VWC2L: variants seen among roughly 807,000 people sequenced by gnomAD.
VWC2L encodes the protein von Willebrand factor C domain containing 2 like, also known as von Willebrand factor C domain-containing protein 2-like.
In VWC2L, 10 loss-of-function variants were observed where a neutral mutation model predicts 21.6. The ratio of observed to expected loss-of-function variants is 0.46; its 90% CI spans 0.29 to 0.78. VWC2L has a LOEUF of 0.78. Ranked by LOEUF, VWC2L falls within the 30% of genes least tolerant of loss-of-function variation. The pLI is 0.10. For missense variants in VWC2L, 209 were observed against 277.1 expected (o/e 0.75, Z 1.74); for synonymous variants, 96 against 94.3 (o/e 1.02, Z -0.10).
At chr2:214,438,469 GTTAGCTTTGTCTTACTT>G (rs961273066) in intron 3 of VWC2L, among the ~76,000 whole-genome samples, 2 of 151,750 alleles carry the variant, frequency 1.3e-5, no homozygotes, top group Admixed American at 1.3e-4. Context: ...CATGGCTCTG[GTTAGCTTTGTCTTACTT>G]TTAGCTTTGT....
chr2:214,420,208 T>C (rs1260673837), intron 2 of VWC2L, among the ~76,000 whole-genome samples: 2 of 152,224 alleles, frequency 1.3e-5, no homozygotes, highest in Admixed American at 6.5e-5. Flanking sequence ...TTCTCATTAA[T>C]AGGTGCCACA....
chr2:214,474,784 A>T (rs1189364629), intron 3 of VWC2L, among the ~76,000 whole-genome samples: 1 of 152,178 alleles, frequency 6.6e-6, no homozygotes, highest in African/African-American at 2.4e-5. Context: ...ATGAGATAGC[A>T]TATGTAAAAT....
chr2:214,475,737 T>C (rs1015684438), intron 3 of VWC2L, among the ~76,000 whole-genome samples: 7 of 143,696 alleles, frequency 4.9e-5, no homozygotes, highest in Non-Finnish European at 1.0e-4. Flanking sequence ...TATTTTTAAA[T>C]GTTGGCTCAA....
At chr2:214,430,646 T>A (rs1195711639) in intron 2 of VWC2L, among the ~76,000 whole-genome samples, 1 of 152,172 alleles carries the variant, frequency 6.6e-6, no homozygotes, top group East Asian at 1.9e-4. Context: ...TTCACTAAAA[T>A]GCTTATGTTT....
intron 3 of VWC2L, among the ~76,000 whole-genome samples, chr2:214,567,595 C>CACACACACACAG (rs1553602423): frequency 3.0e-5 from 4 of 135,310 alleles, no homozygotes; most frequent in African/African-American, 1.2e-4. Flanking sequence ...CACACACACA[C>CACACACACACAG]AGAGAGAGAG....
chr2:214,521,646 T>C (rs1001150029), intron 3 of VWC2L, among the ~76,000 whole-genome samples: 2 of 152,232 alleles, frequency 1.3e-5, no homozygotes, highest in Non-Finnish European at 2.9e-5. Context: ...GGGAGGTAAA[T>C]GTGAGGTTCT....
chr2:214,491,184 G>A (rs1254544623), intron 3 of VWC2L, among the ~76,000 whole-genome samples: 1 of 152,278 alleles, frequency 6.6e-6, no homozygotes, highest in East Asian at 1.9e-4. Context: ...ATTTCACTTC[G>A]ATTTTTCAAA....
intron 3 of VWC2L, among the ~76,000 whole-genome samples, chr2:214,464,902 C>T (rs933065241): frequency 6.6e-6 from 1 of 152,058 alleles, no homozygotes; most frequent in African/African-American, 2.4e-5. Context: ...AGGAGTCTCT[C>T]TCTGTGGCCA....
intron 3 of VWC2L, among the ~76,000 whole-genome samples, chr2:214,463,430 C>T (rs1703169879): frequency 6.6e-6 from 1 of 152,010 alleles, no homozygotes; most frequent in Non-Finnish European, 1.5e-5. Context: ...TTCCTTGTAT[C>T]CTCATTCTAC....
chr2:214,498,841 C>T (rs1175815262), intron 3 of VWC2L, among the ~76,000 whole-genome samples: 3 of 150,764 alleles, frequency 2.0e-5, no homozygotes, highest in Non-Finnish European at 2.9e-5. Context: ...AAAAAACCCA[C>T]GGGCAGATAT....
At chr2:214,542,049 G>C (rs1025699326) in intron 3 of VWC2L, among the ~76,000 whole-genome samples, 1 of 152,070 alleles carries the variant, frequency 6.6e-6, no homozygotes, top group South Asian at 2.1e-4. Flanking sequence ...TTATCGGACA[G>C]CATTGGCTCC....
chr2:214,528,053 C>T (rs149034870), intron 3 of VWC2L, among the ~76,000 whole-genome samples: 56 of 152,316 alleles, frequency 3.7e-4, no homozygotes, highest in African/African-American at 1.3e-3. Context: ...CTGAAGCTCA[C>T]ATATTTCACT....
intron 3 of VWC2L, among the ~76,000 whole-genome samples, chr2:214,548,668 T>C (rs1316749136): frequency 6.6e-6 from 1 of 152,220 alleles, no homozygotes; most frequent in African/African-American, 2.4e-5. Context: ...GCTGCTGTGA[T>C]AATAGCTTGC....
At chr2:214,469,366 G>A (rs1703270029) in intron 3 of VWC2L, among the ~76,000 whole-genome samples, 1 of 152,162 alleles carries the variant, frequency 6.6e-6, no homozygotes, top group South Asian at 2.1e-4. Flanking sequence ...TTGGGAGGTC[G>A]AGGTGGGTGG....
chr2:214,421,885 CTTTTTT>C (rs761759449), intron 2 of VWC2L, among the ~76,000 whole-genome samples: 1 of 76,168 alleles, frequency 1.3e-5, no homozygotes, highest in South Asian at 4.7e-4. Flanking sequence ...TTTCCTACAT[CTTTTTT>C]TTTTTTTTTT....
chr2:214,538,057 G>GTAC (rs1328651619), intron 3 of VWC2L, among the ~76,000 whole-genome samples: 1 of 152,000 alleles, frequency 6.6e-6, no homozygotes, highest in Non-Finnish European at 1.5e-5. Context: ...TTTCATGAGA[G>GTAC]TACTATAGGA....
chr2:214,471,690 A>G (rs952111744), intron 3 of VWC2L, among the ~76,000 whole-genome samples: 2 of 152,242 alleles, frequency 1.3e-5, no homozygotes, highest in African/African-American at 4.8e-5. Flanking sequence ...TGGATACAAC[A>G]CTGTCAGTAA....
intron 3 of VWC2L, among the ~76,000 whole-genome samples, chr2:214,526,919 C>T (rs1314016468): frequency 6.6e-6 from 1 of 152,160 alleles, no homozygotes; most frequent in African/African-American, 2.4e-5. Context: ...ATATTCATCA[C>T]AGCACTATTC....
At chr2:214,567,627 A>G (rs965656825) in intron 3 of VWC2L, among the ~76,000 whole-genome samples, 1 of 149,400 alleles carries the variant, frequency 6.7e-6, no homozygotes, top group Non-Finnish European at 1.5e-5. Context: ...TAATTAAAAC[A>G]TCATAGCCTT....
Sources: gnomAD v4.1 joint callset for allele counts (sites outside exome capture counted in the v4.1 genomes callset) on GRCh38, gnomAD v4.1.1 for gene constraint, MANE v1.5 for transcripts, NCBI Gene and HGNC (gene_info 2026-07-23, HGNC 2026-07-21) for gene names.